The following FAM133A variants were observed in gnomAD, a reference collection of about 807,000 sequenced individuals.
The protein encoded by FAM133A is family with sequence similarity 133 member A, also known as protein FAM133A.
For missense variants in FAM133A, 159 were observed against 164.4 expected (o/e 0.97, Z 0.18); for synonymous variants, 65 against 58.6 (o/e 1.11, Z -0.50).
At chrX:93,705,462 T>G (rs2147663135) in intron 3 of FAM133A, among the ~76,000 whole-genome samples, 1 of 111,607 alleles carries the variant, frequency 9.0e-6, no homozygotes, top group East Asian at 2.8e-4. Context: ...ATCATACAGA[T>G]TCTTCAGTTC....
chrX:93,678,214 G>A (rs746248730), intron 2 of FAM133A, among the ~76,000 whole-genome samples: 16 of 111,457 alleles, frequency 1.4e-4, no homozygotes, highest in East Asian at 5.6e-4. Context: ...TAAAAAAATA[G>A]GATTGTTGTT....
At chrX:93,689,536 GT>G (rs1602809097) in intron 2 of FAM133A, among the ~76,000 whole-genome samples, 1 of 111,060 alleles carries the variant, frequency 9.0e-6, no homozygotes, top group South Asian at 3.7e-4. Context: ...ATATAAATTT[GT>G]TTTTTTAAAT....
chrX:93,695,399 G>A (rs373492026), intron 2 of FAM133A, among the ~76,000 whole-genome samples: 12 of 109,566 alleles, frequency 1.1e-4, no homozygotes, highest in Admixed American at 2.0e-4. Context: ...GATTACAGGC[G>A]CGTGCCACCA....
At chrX:93,693,296 G>A (rs188678520) in intron 2 of FAM133A, among the ~76,000 whole-genome samples, 2 of 111,192 alleles carry the variant, frequency 1.8e-5, no homozygotes, top group Non-Finnish European at 3.8e-5. Context: ...GGCAAACCCA[G>A]TGTACAATAT....
At chrX:93,696,875 G>C (rs1026459437) in intron 2 of FAM133A, among the ~76,000 whole-genome samples, 3 of 108,643 alleles carry the variant, frequency 2.8e-5, no homozygotes, top group Non-Finnish European at 5.7e-5. Context: ...AGCCGAGATC[G>C]CGCCACTGCA....
Position 93,712,239 on chromosome X carries a change from G to A in FAM133A, c.*2073G>A, listed in dbSNP as rs749527783. On this transcript the variant is annotated 3_prime_UTR_variant, in exon 4 of 4. Coordinates refer to ENST00000683942, the MANE Select transcript of FAM133A (RefSeq NM_001171109.2). ...TGGACTTGCAGTAAACTTTTTAAGT[G>A]TAAGAAATAAACTGTTATGTGTTAA... 8.1e-6 allele frequency: 1 copy of A among 123,567 alleles called. No homozygotes were observed. The highest frequency in any genetic ancestry group is 1.9e-5 in the Non-Finnish European group (1 of 53,304). 10.2% of individuals were successfully genotyped at this position (123,567 alleles called of 1,213,427 possible). A position where few individuals can be genotyped will look rare whatever the true frequency, so the allele number is the denominator to read the frequency against.
At chrX:93,681,188 G>C (rs5940320) in intron 2 of FAM133A, among the ~76,000 whole-genome samples, 3 of 109,012 alleles carry the variant, frequency 2.8e-5, no homozygotes, top group African/African-American at 9.9e-5. Context: ...AAAATCCAAA[G>C]ACTTTGAAAA....
At chrX:93,677,127 G>GT (rs1289660088) in intron 2 of FAM133A, among the ~76,000 whole-genome samples, 2 of 110,380 alleles carry the variant, frequency 1.8e-5, no homozygotes, top group South Asian at 3.8e-4. Context: ...ATAGTGATAT[G>GT]TTTTTTTGTT....
chrX:93,698,845 T>C (rs1926494241), intron 3 of FAM133A, among the ~76,000 whole-genome samples: 1 of 111,535 alleles, frequency 9.0e-6, no homozygotes, highest in African/African-American at 3.3e-5. Flanking sequence ...TTTTGAGAGC[T>C]TCAGTGGTGA....
At chrX:93,697,372 A>G (rs1345368044) in intron 2 of FAM133A, among the ~76,000 whole-genome samples, 3 of 110,174 alleles carry the variant, frequency 2.7e-5, no homozygotes, top group African/African-American at 9.9e-5. Flanking sequence ...GCATTTATTT[A>G]TGTGGTAAAT....
intron 3 of FAM133A, among the ~76,000 whole-genome samples, chrX:93,699,581 A>T (rs1926548490): frequency 9.0e-6 from 1 of 111,319 alleles, no homozygotes; most frequent in Non-Finnish European, 1.9e-5. Context: ...TAAAAATAAT[A>T]TATTTTCCAA....
intron 1 of FAM133A, among the ~76,000 whole-genome samples, 173 bp downstream of exon 1, chrX:93,674,447 C>A (rs1924521473): frequency 9.0e-6 from 1 of 111,415 alleles, no homozygotes; most frequent in Non-Finnish European, 1.9e-5. Flanking sequence ...AAATGATTTG[C>A]GTTATACTTT....
chrX:93,688,478 C>A (rs1925686081), intron 2 of FAM133A, among the ~76,000 whole-genome samples: 2 of 110,843 alleles, frequency 1.8e-5, no homozygotes, highest in African/African-American at 6.6e-5. Context: ...TATTTATGTG[C>A]CTTACTTTCC....
At chrX:93,686,107 CAAAAAA>C (rs762274763) in intron 2 of FAM133A, among the ~76,000 whole-genome samples, 2 of 37,517 alleles carry the variant, frequency 5.3e-5, no homozygotes, top group African/African-American at 1.2e-4. Context: ...GACTCCATCT[CAAAAAA>C]AAAAAAAAAA....
At chrX:93,680,136 C>T (rs1173238217) in intron 2 of FAM133A, among the ~76,000 whole-genome samples, 1 of 107,783 alleles carries the variant, frequency 9.3e-6, no homozygotes, top group Non-Finnish European at 1.9e-5. Flanking sequence ...CTAGTAACCA[C>T]CCATTTTACT....
At chrX:93,690,988 A>C (rs776366586) in intron 2 of FAM133A, among the ~76,000 whole-genome samples, 1 of 111,861 alleles carries the variant, frequency 8.9e-6, no homozygotes, top group African/African-American at 3.2e-5. Context: ...TTGAAGAAAT[A>C]TTTATTCAAG....
At chrX:93,700,435 A>G (rs1926617301) in intron 3 of FAM133A, among the ~76,000 whole-genome samples, 1 of 111,313 alleles carries the variant, frequency 9.0e-6, no homozygotes, top group Non-Finnish European at 1.9e-5. Flanking sequence ...CAGGTTATAT[A>G]TTTTTGCCAT....
chrX:93,682,519 C>T (rs1011500705), intron 2 of FAM133A, among the ~76,000 whole-genome samples: 22 of 112,089 alleles, frequency 2.0e-4, no homozygotes, highest in South Asian at 7.3e-4. Context: ...ATTTATAATC[C>T]TCTGTCCTTG....
intron 3 of FAM133A, among the ~76,000 whole-genome samples, chrX:93,707,738 A>T (rs1927131262): frequency 9.0e-6 from 1 of 111,441 alleles, no homozygotes; most frequent in Non-Finnish European, 1.9e-5. Flanking sequence ...CACCATCTCC[A>T]GGACACTCCC....
Sources: gnomAD v4.1 joint callset for allele counts (sites outside exome capture counted in the v4.1 genomes callset) on GRCh38, gnomAD v4.1.1 for gene constraint, MANE v1.5 for transcripts, NCBI Gene and HGNC (gene_info 2026-07-23, HGNC 2026-07-21) for gene names.